The following OGFR variants were observed in gnomAD, a reference collection of about 807,000 sequenced individuals.
OGFR encodes the protein opioid growth factor receptor.
OGFR carries 18 observed loss-of-function variants against 33.6 expected under a neutral mutation model. The ratio of observed to expected loss-of-function variants is 0.54; its 90% CI spans 0.37 to 0.80. OGFR has a LOEUF of 0.80. OGFR is among the 30% of genes least tolerant of loss of function. The pLI is 0.00. For synonymous variants in OGFR, 370 were observed against 400.7 expected (o/e 0.92, Z 0.91); for missense variants, 877 against 955.8 (o/e 0.92, Z 1.09).
chr20:62,812,834 G>T lies in OGFR; in HGVS notation c.1219G>T (p.Val407Leu). 1 of 1,612,806 alleles carries T rather than the reference G, an allele frequency of 6.2e-7. No individual in the cohort carries two copies. The highest frequency in any genetic ancestry group is 8.5e-7 in the Non-Finnish European group (1 of 1,179,956). The change falls in exon 7 of 7, where the codon GTG (valine) becomes TTG (leucine). Residue 407 changes from valine to leucine, a missense_variant. Val to Leu is a conservative substitution (Grantham distance 32). Transcript: ENST00000290291. ...TEPGPQSASEVEKIALNLEGC... is the reference protein window; with the variant it reads ...TEPGPQSASELEKIALNLEGC... ...GCCAGGCCCTCAGAGTGCCTCAGAG[G>T]TGGAGAAGATCGCTCTGAATTTGGA...
intron 6 of OGFR, 32 bp downstream of exon 6, chr20:62,811,642 C>T: frequency 6.5e-7 from 1 of 1,532,562 alleles, no homozygotes; most frequent in Non-Finnish European, 8.8e-7. Flanking sequence ...CCACCCCCAC[C>T]CCGGCGCAGA....
intron 5 of OGFR, among the ~76,000 whole-genome samples, chr20:62,810,791 C>G (rs1280507309): frequency 6.6e-6 from 1 of 152,262 alleles, no homozygotes; most frequent in Non-Finnish European, 1.5e-5. Flanking sequence ...GCTGTTTGTC[C>G]CCATGCGGGA....
At chr20:62,808,932 G>A (rs1268166838) in intron 3 of OGFR, among the ~76,000 whole-genome samples, 3 of 125,262 alleles carry the variant, frequency 2.4e-5, no homozygotes, top group East Asian at 2.6e-4. Context: ...CCGAGATCTC[G>A]CCACTGCCCT....
intron 1 of OGFR, 116 bp from the exon 2 acceptor site, chr20:62,807,421 C>T (rs1990620220): frequency 2.3e-6 from 2 of 856,310 alleles, no homozygotes; most frequent in Admixed American, 2.2e-5. Flanking sequence ...CCATGAAACC[C>T]CCGCCCTTTA....
chr20:62,808,053 G>T (rs193153268), intron 2 of OGFR, 194 bp from the exon 3 acceptor site: 28 of 650,830 alleles, frequency 4.3e-5, no homozygotes, highest in South Asian at 4.0e-4. Context: ...AAATGGGGAA[G>T]GGGGGTCCCT....
chr20:62,809,791 G>A (rs534358454), intron 4 of OGFR, 128 bp downstream of exon 4: 2 of 760,074 alleles, frequency 2.6e-6, no homozygotes, highest in South Asian at 2.8e-5. Flanking sequence ...CTGGAAGCTG[G>A]TGTCCACATT....
Position 62,811,486 on chromosome 20 carries a change from C to T in OGFR, c.490C>T (p.Gln164Ter). Reference protein sequence around the residue: ...VEVFKSSQEIQERLVRAYELM... With the variant: ...VEVFKSSQEI The stretch of plus-strand genomic sequence containing the variant: ...GGTGTTTAAAAGCTCCCAGGAGATC[C>T]AGGAGCGGCTTGTCCGGGCCTACGA... Residue 164 changes from glutamine (Q) to a stop codon, truncating the protein, a stop_gained, in exon 6 of 7, where the codon CAG (glutamine) becomes TAG (stop). Coordinates refer to ENST00000290291, the MANE Select transcript of OGFR (RefSeq NM_007346.4). LOFTEE classifies it high-confidence loss of function. 1 of 1,611,718 alleles carries T rather than the reference C, an allele frequency of 6.2e-7. No individual in the cohort carries two copies. Among genetic ancestry groups the T allele is most frequent in the Non-Finnish European group, 8.5e-7 (1 of 1,179,592 alleles).
Position 62,813,755 on chromosome 20 carries a change from ACCCATGAC to A in OGFR, c.*109_*116del. ...CTCAGGCTCTGCTTCGTGACCCGTG[ACCCATGAC>A]CCACAGTGCTGGCCTCCTGTGGGGC... On this transcript the variant is annotated 3_prime_UTR_variant, in exon 7 of 7. Transcript: ENST00000290291. 1 of 1,349,614 alleles carries A rather than the reference ACCCATGAC, an allele frequency of 7.4e-7. No individual in the cohort carries two copies. The highest frequency in any genetic ancestry group is 1.0e-6 in the Non-Finnish European group (1 of 954,900). 83.6% of individuals were successfully genotyped at this position (1,349,614 alleles called of 1,614,324 possible). A position where few individuals can be genotyped will look rare whatever the true frequency, so the allele number is the denominator to read the frequency against.
At chr20:62,811,301 C>T (rs1030642593) in intron 5 of OGFR, among the ~76,000 whole-genome samples, 161 bp from the exon 6 acceptor site, 1 of 152,198 alleles carries the variant, frequency 6.6e-6, no homozygotes, top group Middle Eastern at 3.2e-3. Flanking sequence ...CATTGCACTC[C>T]AGCCTGGGCA....
chr20:62,810,296 C>T (rs556774883), intron 4 of OGFR, among the ~76,000 whole-genome samples: 2 of 152,160 alleles, frequency 1.3e-5, no homozygotes, highest in Non-Finnish European at 2.9e-5. Context: ...CTGTGACTTA[C>T]GCACCACACA....
At chr20:62,812,135 C>T in intron 6 of OGFR, 95 bp from the exon 7 acceptor site, 3 of 1,130,366 alleles carry the variant, frequency 2.7e-6, no homozygotes, top group Non-Finnish European at 3.7e-6. Context: ...GTGGGGAGAC[C>T]TCGTGGAGCC....
At chr20:62,808,135 G>A (rs777375399) in intron 2 of OGFR, 112 bp from the exon 3 acceptor site, 18 of 845,904 alleles carry the variant, frequency 2.1e-5, no homozygotes, top group Admixed American at 6.9e-5. Flanking sequence ...GGGCTCTTGG[G>A]GTATTGGGCC....
chr20:62,805,792 G>A (rs923171952), intron 1 of OGFR: 5 of 152,762 alleles, frequency 3.3e-5, no homozygotes, highest in African/African-American at 1.2e-4. Context: ...TCGCCGGGAG[G>A]GCAGCGGCCA....
Position 62,813,616 on chromosome 20 carries a change from G to A in OGFR, c.2001G>A (p.Glu667=), listed in dbSNP as rs1246779628. 1.2e-6 allele frequency: 2 copies of A among 1,612,808 alleles called. No homozygotes were observed. The highest frequency in any genetic ancestry group is 1.6e-4 in the Middle Eastern group (1 of 6,062). Residue 667 remains glutamate (E), a synonymous_variant, in exon 7 of 7, where the codon GAG becomes GAA. Transcript: ENST00000290291. Reference sequence around the variant, plus strand: ...AGGCAGCAGAGTTGCAGGACGCAGAGGTGGAGTCTTCTGCCAAGTCTGGGA... The same window carrying A: ...AGGCAGCAGAGTTGCAGGACGCAGAAGTGGAGTCTTCTGCCAAGTCTGGGA... The part of the protein sequence containing the change: ...AGEAAELQDA[E]VESSAKSGKP
In OGFR at chr20:62,812,781, TGAGCCGGCGGGAGCAGCCGCCCACA is replaced by T; in HGVS notation, c.1172_1196del (p.Arg391GlnfsTer14). 6.2e-7 allele frequency: 1 copy of T among 1,612,472 alleles called. No homozygotes were observed. Among genetic ancestry groups the T allele is most frequent in the East Asian group, 2.2e-5 (1 of 44,876 alleles). ...GAGAGCAAGAAGAGGAAGCTGGAGC[TGAGCCGGCGGGAGCAGCCGCCCACA>T]GAGCCAGGCCCTCAGAGTGCCTCAG... On this transcript the variant is annotated frameshift_variant, in exon 7 of 7. Coordinates refer to ENST00000290291, the MANE Select transcript of OGFR (RefSeq NM_007346.4). LOFTEE classifies it low-confidence loss of function (END_TRUNC).
rs753176933 is a variant in OGFR at position 62,813,687 on chromosome 20, C to T, written c.*38C>T. The T allele has an allele frequency of 6.2e-7, 1 of 1,605,860 alleles. No individual in the cohort carries two copies. The highest frequency in any genetic ancestry group is 1.7e-5 in the Admixed American group (1 of 59,692). ...CCGTCGGCGTCTTGGTCCTCCTGTC[C>T]CTGCTGCAGGGGCTGGGGCCTCCGG... is the stretch of plus-strand genomic sequence containing the variant. On this transcript the variant is annotated 3_prime_UTR_variant, in exon 7 of 7. Transcript: ENST00000290291.
At position 62,808,344 on chromosome 20, in the gene OGFR, C is replaced by T; in HGVS notation, c.319+19C>T. 1 of 1,597,900 alleles carries T rather than the reference C, an allele frequency of 6.3e-7. No homozygotes were observed. The highest frequency in any genetic ancestry group is 1.1e-5 in the South Asian group (1 of 90,810). ...CCCAACGGTAGGTGCCTCACAACCA[C>T]TGGCAGCCGGCGCTTCCATCCTTGC... On this transcript the variant is annotated intron_variant, in intron 3 of 6. Transcript: ENST00000290291.
At position 62,813,638 on chromosome 20, in the gene OGFR, G is replaced by A. The variant is rs1990803794; in HGVS notation, c.2023G>A (p.Gly675Arg). 6.2e-7 allele frequency: 1 copy of A among 1,612,548 alleles called. No homozygotes were observed. The highest frequency in any genetic ancestry group is 1.7e-5 in the Admixed American group (1 of 60,002). The change falls in exon 7 of 7, where the codon GGG becomes AGG. Residue 675 changes from glycine (G) to arginine (R), a missense_variant. Physicochemically the swap from Gly to Arg is moderately radical, Grantham distance 125. Transcript: ENST00000290291. ...AGAGGTGGAGTCTTCTGCCAAGTCTGGGAAGCCTTAAGGAAAGGAGTGCCC... is the reference window on the plus strand; with the variant it reads ...AGAGGTGGAGTCTTCTGCCAAGTCTAGGAAGCCTTAAGGAAAGGAGTGCCC... Reference protein sequence around the residue: ...DAEVESSAKSGKP With the variant: ...DAEVESSAKSRKP
In OGFR at chr20:62,812,620, C is replaced by A; in HGVS notation, c.1005C>A (p.Ser335Arg). 6.4e-7 allele frequency: 1 copy of A among 1,561,650 alleles called. No homozygotes were observed. The highest frequency in any genetic ancestry group is 1.2e-5 in the South Asian group (1 of 85,340). ...GTCGGACCTGTGGGCCAGAGCATAGCAAGGGTGGGGGCAGGGTGGACGAGG... is the reference window on the plus strand; with the variant it reads ...GTCGGACCTGTGGGCCAGAGCATAGAAAGGGTGGGGGCAGGGTGGACGAGG... ...TQGRTCGPEH[S>R]KGGGRVDEGP... Residue 335 changes from serine to arginine, a missense_variant, in exon 7 of 7, where the codon AGC becomes AGA. By Grantham distance (110) the Ser-to-Arg change is moderately radical (BLOSUM62 -1). This residue lies in a region of OGFR where 760 missense variants were observed against 736.0 expected (regional missense o/e 1.03). Transcript: ENST00000290291.
Sources: gnomAD v4.1 joint callset for allele counts (sites outside exome capture counted in the v4.1 genomes callset) on GRCh38, gnomAD v4.1.1 for gene constraint, gnomAD v4.1.1 regional missense constraint, MANE v1.5 for transcripts, NCBI Gene and HGNC (gene_info 2026-07-23, HGNC 2026-07-21) for gene names.